Variants in ATRNL1 observed in about 807,000 individuals in gnomAD.
ATRNL1 encodes the protein attractin-like protein 1.
ATRNL1 carries 95 observed loss-of-function variants against 182.7 expected under a neutral mutation model. The observed-to-expected ratio is 0.52, with a 90% CI of 0.44 to 0.62. The LOEUF (loss-of-function observed/expected upper bound fraction) is 0.62. Ranked by LOEUF, ATRNL1 falls within the 20% of genes least tolerant of loss-of-function variation. The pLI is 0.00. For missense variants in ATRNL1, 1,471 were observed against 1,679.5 expected (o/e 0.88, Z 2.17); for synonymous variants, 576 against 568.3 (o/e 1.01, Z -0.19).
intron 27 of ATRNL1, among the ~76,000 whole-genome samples, chr10:115,731,193 C>T (rs1947787947): frequency 6.6e-6 from 1 of 152,174 alleles, no homozygotes; most frequent in Non-Finnish European, 1.5e-5. Flanking sequence ...TATTAACCGT[C>T]ACAATCAGTC....
At chr10:115,246,625 A>G (rs1242896080) in intron 10 of ATRNL1, among the ~76,000 whole-genome samples, 2 of 125,608 alleles carry the variant, frequency 1.6e-5, no homozygotes, top group East Asian at 2.1e-4. Context: ...CAGTAGCGCA[A>G]TCTCGGCTCA....
At chr10:115,851,176 A>G (rs1555100422) in intron 28 of ATRNL1, among the ~76,000 whole-genome samples, 1 of 151,856 alleles carries the variant, frequency 6.6e-6, no homozygotes, top group African/African-American at 2.4e-5. Context: ...TGTCAGTGTC[A>G]TGTGTACTCT....
intron 1 of ATRNL1, among the ~76,000 whole-genome samples, chr10:115,096,158 A>G (rs1185108329): frequency 1.3e-5 from 2 of 152,222 alleles, no homozygotes; most frequent in Non-Finnish European, 2.9e-5. Context: ...TCCTGAGCTA[A>G]TCACTGAGTA....
intron 27 of ATRNL1, among the ~76,000 whole-genome samples, chr10:115,777,387 G>C (rs1555078229): frequency 6.6e-6 from 1 of 151,880 alleles, no homozygotes; most frequent in African/African-American, 2.4e-5. Context: ...AGTATAACTT[G>C]ATATACTAAA....
At chr10:115,487,993 G>C (rs1554975589) in intron 24 of ATRNL1, among the ~76,000 whole-genome samples, 1 of 152,074 alleles carries the variant, frequency 6.6e-6, no homozygotes, top group Non-Finnish European at 1.5e-5. Flanking sequence ...CGTGTTTTTT[G>C]TCATTGGTTC....
At chr10:115,773,755 G>T (rs151152671) in intron 27 of ATRNL1, among the ~76,000 whole-genome samples, 198 of 152,210 alleles carry the variant, frequency 1.3e-3, no homozygotes, top group African/African-American at 4.4e-3. Context: ...TAATGAAAGT[G>T]TTTCGTTACA....
At chr10:115,381,985 C>T (rs797037636) in intron 19 of ATRNL1, among the ~76,000 whole-genome samples, 1 of 151,796 alleles carries the variant, frequency 6.6e-6, no homozygotes, top group African/African-American at 2.4e-5. Context: ...ATTTTGGCAC[C>T]CTTGACAAGA....
intron 13 of ATRNL1, among the ~76,000 whole-genome samples, chr10:115,278,584 C>T (rs1852207828): frequency 6.6e-6 from 1 of 152,148 alleles, no homozygotes; most frequent in African/African-American, 2.4e-5. Flanking sequence ...TGAAGCTCAG[C>T]TGCTGTGATT....
chr10:115,314,717 G>A (rs1854205530), intron 17 of ATRNL1, among the ~76,000 whole-genome samples: 1 of 152,144 alleles, frequency 6.6e-6, no homozygotes, highest in Non-Finnish European at 1.5e-5. Flanking sequence ...TATGTCTGTG[G>A]TGTTTGACTA....
At chr10:115,512,553 AATTT>A (rs1327367897) in intron 24 of ATRNL1, among the ~76,000 whole-genome samples, 3 of 151,382 alleles carry the variant, frequency 2.0e-5, no homozygotes, top group Non-Finnish European at 4.4e-5. Flanking sequence ...TATTTATAAT[AATTT>A]ATTTATTTAT....
intron 24 of ATRNL1, among the ~76,000 whole-genome samples, chr10:115,504,792 T>C (rs1554980897): frequency 1.3e-5 from 2 of 152,104 alleles, no homozygotes. Context: ...TTAAGCACTT[T>C]TATTTTCTTA....
intron 26 of ATRNL1, among the ~76,000 whole-genome samples, chr10:115,721,027 AATAATTAAAGTATCATCT>A (rs1230534702): frequency 6.6e-6 from 1 of 152,200 alleles, no homozygotes; most frequent in African/African-American, 2.4e-5. Context: ...ATTGCAGGGA[AATAATTAAAGTATCATCT>A]ATTAGTGCCA....
intron 26 of ATRNL1, among the ~76,000 whole-genome samples, chr10:115,591,134 C>G (rs1424068550): frequency 6.6e-6 from 1 of 152,202 alleles, no homozygotes; most frequent in Non-Finnish European, 1.5e-5. Context: ...TGTATACACA[C>G]TAACATGTGA....
rs1489720623 is a variant in ATRNL1, at chr10:115,224,226, C to T, written c.1532+8346C>T. Among the ~76,000 whole-genome samples, 9 of 151,404 alleles carry T rather than the reference C, an allele frequency of 5.9e-5. No homozygotes were observed. The East Asian group carries it at 7.8e-4, about 13-fold the overall frequency. On this transcript the variant is annotated intron_variant, in intron 9 of 28. Transcript: ENST00000355044. ...CTGGGATTACAGGTGTGAGCCACCG[C>T]GCCTGGCCAAAAAACCCTAGTATAA...
At chr10:115,279,003 C>T (rs1554915815) in intron 13 of ATRNL1, among the ~76,000 whole-genome samples, 1 of 151,820 alleles carries the variant, frequency 6.6e-6, no homozygotes. Context: ...GAGATCGAGA[C>T]CATCCTGGCT....
intron 19 of ATRNL1, among the ~76,000 whole-genome samples, chr10:115,390,478 A>G (rs924594848): frequency 5.4e-4 from 82 of 152,262 alleles, no homozygotes; most frequent in African/African-American, 1.9e-3. Flanking sequence ...TTTGTCAAAA[A>G]TCAGTAGATT....
chr10:115,698,847 G>A (rs1317357776), intron 26 of ATRNL1, among the ~76,000 whole-genome samples: 1 of 151,584 alleles, frequency 6.6e-6, no homozygotes, highest in Non-Finnish European at 1.5e-5. Flanking sequence ...GCCATTACTA[G>A]CAATATTCGT....
At chr10:115,883,448 A>T (rs1015779917) in intron 28 of ATRNL1, among the ~76,000 whole-genome samples, 3 of 152,256 alleles carry the variant, frequency 2.0e-5, no homozygotes, top group African/African-American at 7.2e-5. Context: ...TCACAGCAGC[A>T]TAATTTTTGT....
chr10:115,644,545 A>T (rs1253453507), intron 26 of ATRNL1, among the ~76,000 whole-genome samples: 1 of 152,148 alleles, frequency 6.6e-6, no homozygotes, highest in Non-Finnish European at 1.5e-5. Flanking sequence ...TTTGCCATAT[A>T]TAGGGTTGTA....
Sources: gnomAD v4.1 joint callset for allele counts (sites outside exome capture counted in the v4.1 genomes callset) on GRCh38, gnomAD v4.1.1 for gene constraint, MANE v1.5 for transcripts, NCBI Gene and HGNC (gene_info 2026-07-23, HGNC 2026-07-21) for gene names.